MYT1L: variants seen among roughly 807,000 people sequenced by gnomAD.
The protein encoded by MYT1L is myelin transcription factor 1-like protein.
A neutral mutation model predicts 126.7 loss-of-function variants in MYT1L; 12 were observed. The ratio of observed to expected loss-of-function variants is 0.09; its 90% CI spans 0.06 to 0.15. The LOEUF is 0.15. MYT1L is among the 10% of genes least tolerant of loss of function. The pLI is 1.00. For synonymous variants in MYT1L, 541 were observed against 604.2 expected, an observed-to-expected ratio of 0.90 and a Z score of 1.53; for missense variants, 979 against 1,585.2, an observed-to-expected ratio of 0.62 and a Z score of 6.49.
At position 1,792,354 on chromosome 2, in the gene MYT1L, G is replaced by A; in HGVS notation, c.3387C>T (p.Ile1129=). ...GCAGCTGGATGTTAGCCAGGCTGTG[G>A]ATCAGAGACTGGCTCAGGTTCGCCA... ...HELANLSQSL[I]HSLANIQLPH... The change falls in exon 24 of 25, where the codon ATC becomes ATT. Residue 1129 remains isoleucine (I), a synonymous_variant. Coordinates refer to ENST00000647738, the MANE Select transcript of MYT1L (RefSeq NM_001303052.2). 1.2e-6 allele frequency: 2 copies of A among 1,608,146 alleles called. No homozygotes were observed. The highest frequency in any genetic ancestry group is 2.2e-5 in the East Asian group (1 of 44,680).
At chr2:2,223,900 A>G (rs2093946704) in intron 2 of MYT1L, among the ~76,000 whole-genome samples, 2 of 152,224 alleles carry the variant, frequency 1.3e-5, no homozygotes, top group Non-Finnish European at 2.9e-5. Flanking sequence ...GCACTCCACC[A>G]CCAAGCCTCC....
At chr2:1,874,992 C>T (rs1234365500) in intron 18 of MYT1L, among the ~76,000 whole-genome samples, 3 of 152,202 alleles carry the variant, frequency 2.0e-5, no homozygotes, top group African/African-American at 7.2e-5. Context: ...AGAGTCCTTG[C>T]GTTCCTCACA....
intron 2 of MYT1L, among the ~76,000 whole-genome samples, chr2:2,257,429 G>A (rs1433256480): frequency 6.6e-6 from 1 of 152,146 alleles, no homozygotes; most frequent in Non-Finnish European, 1.5e-5. Context: ...TGTAATCTCA[G>A]CACTTTGGGA....
At chr2:1,830,044 C>T (rs938076420) in intron 21 of MYT1L, among the ~76,000 whole-genome samples, 5 of 152,152 alleles carry the variant, frequency 3.3e-5, no homozygotes, top group Non-Finnish European at 5.9e-5. Flanking sequence ...AACAAAGGTC[C>T]CCACGCACAG....
At chr2:2,066,425 A>T (rs1375002364) in intron 3 of MYT1L, among the ~76,000 whole-genome samples, 1 of 152,198 alleles carries the variant, frequency 6.6e-6, no homozygotes, top group Non-Finnish European at 1.5e-5. Flanking sequence ...GATCACAGAC[A>T]CTCGCTTGGC....
intron 3 of MYT1L, among the ~76,000 whole-genome samples, chr2:2,110,814 CTG>C (rs1278907172): frequency 2.6e-5 from 4 of 152,152 alleles, no homozygotes; most frequent in Non-Finnish European, 5.9e-5. Flanking sequence ...TGTGAGGATG[CTG>C]TGTAGACGCT....
intron 8 of MYT1L, among the ~76,000 whole-genome samples, chr2:1,950,602 G>T (rs2057660096): frequency 6.6e-6 from 1 of 152,152 alleles, no homozygotes; most frequent in African/African-American, 2.4e-5. Flanking sequence ...GACCAAGATG[G>T]ATGTGGGACA....
chr2:1,934,310 A>ACACC (rs2055524428), intron 9 of MYT1L, among the ~76,000 whole-genome samples: 1 of 148,108 alleles, frequency 6.8e-6, no homozygotes, highest in Non-Finnish European at 1.5e-5. Context: ...ATATATATAC[A>ACACC]ACCTCATATA....
intron 10 of MYT1L, among the ~76,000 whole-genome samples, chr2:1,918,229 C>T (rs1158188249): frequency 1.3e-5 from 2 of 152,046 alleles, no homozygotes; most frequent in Non-Finnish European, 2.9e-5. Context: ...TATTTCTATA[C>T]CCAGAATTGA....
At chr2:2,126,914 C>A (rs140300360) in intron 3 of MYT1L, among the ~76,000 whole-genome samples, 1 of 152,304 alleles carries the variant, frequency 6.6e-6, no homozygotes, top group African/African-American at 2.4e-5. Context: ...CCATTTCACA[C>A]GGATCACAGA....
At chr2:2,110,247 T>C (rs1458901323) in intron 3 of MYT1L, among the ~76,000 whole-genome samples, 2 of 152,010 alleles carry the variant, frequency 1.3e-5, no homozygotes, top group Non-Finnish European at 2.9e-5. Context: ...TCACATACAG[T>C]GCTCCAGTAC....
intron 3 of MYT1L, among the ~76,000 whole-genome samples, chr2:2,107,870 C>A (rs544100418): frequency 3.9e-5 from 6 of 152,186 alleles, no homozygotes; most frequent in Non-Finnish European, 8.8e-5. Flanking sequence ...GCCTTTACCC[C>A]AGAGACGCAG....
intron 2 of MYT1L, among the ~76,000 whole-genome samples, chr2:2,210,809 T>C (rs1322975702): frequency 1.3e-5 from 2 of 152,196 alleles, no homozygotes; most frequent in Non-Finnish European, 2.9e-5. Context: ...TCTGTAGATT[T>C]CTTTGGGTAG....
intron 3 of MYT1L, among the ~76,000 whole-genome samples, chr2:2,154,964 T>C (rs2086481591): frequency 6.6e-6 from 1 of 152,142 alleles, no homozygotes; most frequent in African/African-American, 2.4e-5. Context: ...TTATCTCTAC[T>C]AAAAATACAA....
intron 21 of MYT1L, among the ~76,000 whole-genome samples, chr2:1,822,479 C>A (rs2038686756): frequency 6.6e-6 from 1 of 152,190 alleles, no homozygotes; most frequent in Admixed American, 6.5e-5. Context: ...ACTGTCAGCC[C>A]CTCTTCCCCA....
At chr2:1,856,447 T>C (rs932883237) in intron 18 of MYT1L, among the ~76,000 whole-genome samples, 5 of 152,208 alleles carry the variant, frequency 3.3e-5, no homozygotes, top group African/African-American at 7.2e-5. Context: ...TTGTTTTCCA[T>C]TGGTGCACAT....
intron 18 of MYT1L, among the ~76,000 whole-genome samples, chr2:1,867,460 C>A (rs1327503715): frequency 6.6e-6 from 1 of 152,182 alleles, no homozygotes; most frequent in Non-Finnish European, 1.5e-5. Context: ...TCCTGCACTA[C>A]TAATCACCAA....
intron 18 of MYT1L, among the ~76,000 whole-genome samples, chr2:1,866,806 AAGGGGG>A (rs1202694682): frequency 1.4e-4 from 5 of 36,362 alleles, no homozygotes; most frequent in Non-Finnish European, 2.0e-4. Context: ...AGAGGCAGAG[AAGGGGG>A]GAGAGAGAGA....
intron 4 of MYT1L, among the ~76,000 whole-genome samples, chr2:2,044,047 TTAAAG>T (rs539131673): frequency 5.1e-4 from 78 of 152,306 alleles, no homozygotes; most frequent in African/African-American, 1.7e-3. Flanking sequence ...ATTTAACTGA[TTAAAG>T]TATTAGTTTT....
Sources: gnomAD v4.1 joint callset for allele counts (sites outside exome capture counted in the v4.1 genomes callset) on GRCh38, gnomAD v4.1.1 for gene constraint, MANE v1.5 for transcripts, NCBI Gene and HGNC (gene_info 2026-07-23, HGNC 2026-07-21) for gene names.